EPHA10: variants seen among roughly 807,000 people sequenced by gnomAD.
The protein encoded by EPHA10 is EPH receptor A10.
In EPHA10, 120 loss-of-function variants were observed where a neutral mutation model predicts 109.7. The observed-to-expected ratio is 1.09, with a 90% CI of 0.94 to 1.27. EPHA10 has a LOEUF of 1.27. Ranked by LOEUF, EPHA10 falls within the 50% of genes most tolerant of loss-of-function variation. The probability of loss-of-function intolerance (pLI) is 0.00; values close to 1 mark genes in which losing one functional copy is unlikely to be tolerated. For synonymous variants in EPHA10, 640 were observed against 618.9 expected, an observed-to-expected ratio of 1.03 and a Z score of -0.51; for missense variants, 1,396 against 1,411.1, an observed-to-expected ratio of 0.99 and a Z score of 0.17.
In EPHA10 at chr1:37,723,092, C is replaced by G; in HGVS notation, c.1909G>C (p.Ala637Pro). 7 of 1,614,200 alleles carry G rather than the reference C, an allele frequency of 4.3e-6. No individual in the cohort carries two copies. The highest frequency in any genetic ancestry group is 5.9e-6 in the Non-Finnish European group (7 of 1,180,046). ...ACGCTTTTCGCATCCAGTTCCTTGG[C>G]GAACAGATGCACAGCCTGCAGCAGG... ...GDLLQAVHLF[A>P]KELDAKSVTL... Residue 637 changes from alanine to proline, a missense_variant, in exon 10 of 17, where the codon GCC (alanine) becomes CCC (proline). Ala to Pro is a conservative substitution (Grantham distance 27, BLOSUM62 -1). Coordinates refer to ENST00000373048, the MANE Select transcript of EPHA10 (RefSeq NM_001099439.2).
At chr1:37,728,027 A>ATGAGCAGAGC (rs1645923317) in intron 7 of EPHA10, among the ~76,000 whole-genome samples, 1 of 152,210 alleles carries the variant, frequency 6.6e-6, no homozygotes, top group Non-Finnish European at 1.5e-5. Flanking sequence ...AGAAACAGAA[A>ATGAGCAGAGC]TGAGCAGAGC....
At chr1:37,734,973 A>G (rs560579225) in intron 6 of EPHA10, among the ~76,000 whole-genome samples, 13 of 152,322 alleles carry the variant, frequency 8.5e-5, no homozygotes, top group African/African-American at 3.1e-4. Flanking sequence ...TCAGCCACAC[A>G]AAATCTGGAC....
At chr1:37,752,721 A>G (rs1646347091) in intron 5 of EPHA10, among the ~76,000 whole-genome samples, 155 bp downstream of exon 5, 1 of 133,494 alleles carries the variant, frequency 7.5e-6, no homozygotes, top group Admixed American at 8.4e-5. Context: ...CGGGGGGGTG[A>G]CTTTGTGTCC....
chr1:37,749,764 C>T (rs1325801098), intron 5 of EPHA10, among the ~76,000 whole-genome samples: 1 of 152,042 alleles, frequency 6.6e-6, no homozygotes, highest in Non-Finnish European at 1.5e-5. Flanking sequence ...GGAAGATGTT[C>T]TCAGAAATGC....
rs183615811 is a variant in EPHA10, at chr1:37,721,716, G to A, written c.2090C>T (p.Thr697Met). The change falls in exon 11 of 17, where the codon ACG (threonine) becomes ATG (methionine). Residue 697 changes from threonine to methionine, a missense_variant. Coordinates refer to ENST00000373048, the MANE Select transcript of EPHA10 (RefSeq NM_001099439.2). ...QRLGFLAEAL[T>M]LGQFDHSHIV... ...GTGGCTATGGTCAAACTGGCCCAGCGTGAGGGCCTCGGCCAGGAAGCCGAG... is the reference window on the plus strand; with the variant it reads ...GTGGCTATGGTCAAACTGGCCCAGCATGAGGGCCTCGGCCAGGAAGCCGAG... 32 of 1,612,488 alleles carry A rather than the reference G, an allele frequency of 2.0e-5. No individual in the cohort carries two copies. In the Middle Eastern group the frequency reaches 5.1e-4, roughly 26 times the overall value.
chr1:37,727,664 G>A (rs1057125566), intron 7 of EPHA10, among the ~76,000 whole-genome samples: 1 of 152,220 alleles, frequency 6.6e-6, no homozygotes, highest in African/African-American at 2.4e-5. Context: ...ATACTGTCTT[G>A]TTTCATCTTC....
intron 5 of EPHA10, among the ~76,000 whole-genome samples, chr1:37,746,377 G>A (rs553140151): frequency 2.0e-5 from 3 of 151,968 alleles, no homozygotes; most frequent in Admixed American, 6.6e-5. Context: ...GATTACAGGC[G>A]TGAGCCACCA....
At chr1:37,722,797 G>A (rs764241550) in intron 10 of EPHA10, 1 of 648,346 alleles carries the variant, frequency 1.5e-6, no homozygotes, top group South Asian at 1.5e-5. Flanking sequence ...AGTGTGCAGA[G>A]GTCTGACCTT....
Position 37,716,450 on chromosome 1 carries a change from G to T in EPHA10, c.*1922C>A. ...GAAGGCGGATCCTGGAGGGCACCTG[G>T]CCGGGGGCTCCCCCAACCCTGACTA... On this transcript the variant is annotated 3_prime_UTR_variant, in exon 17 of 17. Coordinates refer to ENST00000373048, the MANE Select transcript of EPHA10 (RefSeq NM_001099439.2). The T allele has an allele frequency of 4.3e-6, 1 of 234,158 alleles. No homozygotes were observed. The highest frequency in any genetic ancestry group is 8.4e-6 in the Non-Finnish European group (1 of 118,884). The allele number at this position is 234,158 out of a possible 1,614,324, so 14.5% of individuals were successfully genotyped here.
chr1:37,747,048 T>C (rs1426168889), intron 5 of EPHA10, among the ~76,000 whole-genome samples: 2 of 152,214 alleles, frequency 1.3e-5, no homozygotes, highest in East Asian at 1.9e-4. Flanking sequence ...TGCACAACTA[T>C]GCGGATATAT....
At chr1:37,722,987 T>C (rs1441720056) in intron 10 of EPHA10, 54 bp downstream of exon 10, 6 of 1,613,008 alleles carry the variant, frequency 3.7e-6, no homozygotes, top group Admixed American at 3.3e-5. Flanking sequence ...GCGGGGCCTA[T>C]AGAGTGGGTG....
At chr1:37,759,107 TC>T (rs1254299498) in intron 3 of EPHA10, among the ~76,000 whole-genome samples, 2 of 152,142 alleles carry the variant, frequency 1.3e-5, no homozygotes, top group African/African-American at 4.8e-5. Context: ...TCCTAATCCT[TC>T]CCTCTTCAAT....
intron 4 of EPHA10, among the ~76,000 whole-genome samples, chr1:37,753,937 G>T (rs917108572): frequency 6.6e-6 from 1 of 151,974 alleles, no homozygotes; most frequent in Non-Finnish European, 1.5e-5. Context: ...AGAGGGCAGC[G>T]GAGGGGCGCT....
At chr1:37,732,860 GTTCTT>G (rs1646007918) in intron 6 of EPHA10, among the ~76,000 whole-genome samples, 5 of 25,822 alleles carry the variant, frequency 1.9e-4, no homozygotes, top group African/African-American at 7.6e-4. Flanking sequence ...TTTTATACTT[GTTCTT>G]TTTTTTTTTT....
intron 14 of EPHA10, 93 bp from the exon 15 acceptor site, chr1:37,719,700 A>G: frequency 6.9e-7 from 1 of 1,452,792 alleles, no homozygotes; most frequent in Non-Finnish European, 9.5e-7. Context: ...AGACACAGAC[A>G]CACACACACA....
At chr1:37,743,330 T>G (rs11802569) in intron 5 of EPHA10, among the ~76,000 whole-genome samples, 2,385 of 151,914 alleles carry the variant, frequency 0.016, 61 homozygotes, top group African/African-American at 0.055. Context: ...CCACCAACTA[T>G]GTACAGAAGG....
intron 5 of EPHA10, among the ~76,000 whole-genome samples, chr1:37,745,422 C>T (rs911337030): frequency 1.3e-5 from 2 of 152,162 alleles, no homozygotes; most frequent in African/African-American, 4.8e-5. Flanking sequence ...GACCCTTGTA[C>T]TTTGCAGGTA....
intron 8 of EPHA10, among the ~76,000 whole-genome samples, chr1:37,726,757 C>T (rs1057213466): frequency 6.6e-6 from 1 of 152,222 alleles, no homozygotes; most frequent in African/African-American, 2.4e-5. Context: ...TCAAGAGGCC[C>T]GGGGACAGGG....
At chr1:37,715,494 C>A (rs1043605791), downstream of EPHA10, among the ~76,000 whole-genome samples, 1 of 152,120 alleles carries the variant, frequency 6.6e-6, no homozygotes, top group Non-Finnish European at 1.5e-5. Flanking sequence ...TGGCTTCTAC[C>A]CCCATCTGAA....
Sources: gnomAD v4.1 joint callset for allele counts (sites outside exome capture counted in the v4.1 genomes callset) on GRCh38, gnomAD v4.1.1 for gene constraint, MANE v1.5 for transcripts, NCBI Gene and HGNC (gene_info 2026-07-23, HGNC 2026-07-21) for gene names.